Variants in MVK observed in about 807,000 individuals in gnomAD.
The protein encoded by MVK is LH receptor mRNA-binding protein.
In MVK, 34 loss-of-function variants were observed where a neutral mutation model predicts 43.2. The ratio of observed to expected loss-of-function variants is 0.79; its 90% CI spans 0.60 to 1.05. The LOEUF (loss-of-function observed/expected upper bound fraction) is 1.05, where lower values mean the gene tolerates loss of function less well. MVK is among the 50% of genes least tolerant of loss of function. The pLI, the probability that MVK is intolerant of heterozygous loss-of-function variation, is 0.00. For synonymous variants in MVK, 190 were observed against 219.8 expected, an observed-to-expected ratio of 0.86 and a Z score of 1.20; for missense variants, 395 against 504.0, an observed-to-expected ratio of 0.78 and a Z score of 2.07.
At chr12:109,593,197 C>T (rs1931292965) in intron 9 of MVK, among the ~76,000 whole-genome samples, 3 of 152,376 alleles carry the variant, frequency 2.0e-5, no homozygotes, top group Middle Eastern at 3.4e-3. Flanking sequence ...CAGAAGTCTT[C>T]TCTCACATCC....
intron 9 of MVK, among the ~76,000 whole-genome samples, chr12:109,592,700 A>G (rs1460714967): frequency 3.9e-5 from 6 of 152,254 alleles, no homozygotes; most frequent in African/African-American, 1.4e-4. Flanking sequence ...AAGGTTATCC[A>G]GCTAGTGAGT....
At position 109,579,862 on chromosome 12, in the gene MVK, G is replaced by A; in HGVS notation, c.287G>A (p.Gly96Asp). Residue 96 changes from glycine (G) to aspartate (D), a missense_variant, in exon 4 of 11, where the codon GGC becomes GAC. By Grantham distance (94) the Gly-to-Asp change is moderately conservative (BLOSUM62 -1). Transcript: ENST00000228510. ...GTGGAGAAGCTAAAGGAGGTTGCAG[G>A]CTTGCCTGACGACTGTGCTGTCACC... ...EQVEKLKEVA[G>D]LPDDCAVTER... 6.2e-7 allele frequency: 1 copy of A among 1,614,250 alleles called. No individual in the cohort carries two copies. Among genetic ancestry groups the A allele is most frequent in the Non-Finnish European group, 8.5e-7 (1 of 1,180,054 alleles).
Position 109,590,762 on chromosome 12 carries a change from A to G in MVK, c.678-9A>G. ...TTCAGTGTGGACCTGCCTCCTCTTC[A>G]CCCTGCAGGTCGCCAGCTCTCCAGA... On this transcript the variant is annotated splice_polypyrimidine_tract_variant and intron_variant, in intron 7 of 10. Coordinates refer to ENST00000228510, the MANE Select transcript of MVK (RefSeq NM_000431.4). 1 of 1,613,576 alleles carries G rather than the reference A, an allele frequency of 6.2e-7. No homozygotes were observed. The highest frequency in any genetic ancestry group is 8.5e-7 in the Non-Finnish European group (1 of 1,179,834).
rs1447315932 is a variant in MVK, at chr12:109,597,121, G to A, written c.*544G>A. ...GTGTGGCCTTCCCTTCTACCTAGCG[G>A]GATGGGGCTCCCCCAGGGGCTGTCC... On this transcript the variant is annotated 3_prime_UTR_variant, in exon 11 of 11. Transcript: ENST00000228510. 4 of 197,102 alleles carry A rather than the reference G, an allele frequency of 2.0e-5. No homozygotes were observed. Among genetic ancestry groups the A allele is most frequent in the South Asian group, 8.9e-5 (1 of 11,296 alleles). The allele number at this position is 197,102 out of a possible 1,614,324, so 12.2% of individuals were successfully genotyped here.
In MVK at chr12:109,596,836, A is replaced by T; in HGVS notation, c.*259A>T. The stretch of plus-strand genomic sequence containing the variant: ...TCTGAGACTCCAGACCTGAGGCGAG[A>T]AGGGCTGCTTCCCTGAAGCTCCCAC... On this transcript the variant is annotated 3_prime_UTR_variant, in exon 11 of 11. Coordinates refer to ENST00000228510, the MANE Select transcript of MVK (RefSeq NM_000431.4). The T allele has an allele frequency of 3.5e-6, 2 of 568,002 alleles. No homozygotes were observed. The highest frequency in any genetic ancestry group is 6.3e-6 in the Non-Finnish European group (2 of 318,254). The allele number at this position is 568,002 out of a possible 1,614,324, so 35.2% of individuals were successfully genotyped here. A position where few individuals can be genotyped will look rare whatever the true frequency, so the allele number is the denominator to read the frequency against.
intron 10 of MVK, 39 bp from the exon 11 acceptor site, chr12:109,596,387 G>T: frequency 6.2e-7 from 1 of 1,604,728 alleles, no homozygotes; most frequent in East Asian, 2.2e-5. Flanking sequence ...CCCACGGAGC[G>T]GAGAGTTGTC....
At chr12:109,573,382 C>T (rs749127574), upstream of MVK, 3 of 1,612,724 alleles carry the variant, frequency 1.9e-6, no homozygotes, top group Admixed American at 5.0e-5. Flanking sequence ...GGCCGCGGCT[C>T]TGGAAACGGG....
At chr12:109,575,308 A>G (rs955008256) in intron 2 of MVK, among the ~76,000 whole-genome samples, 3 of 152,212 alleles carry the variant, frequency 2.0e-5, no homozygotes, top group Non-Finnish European at 2.9e-5. Flanking sequence ...CCTATTTTAC[A>G]AATGTGCAAA....
intron 1 of MVK, among the ~76,000 whole-genome samples, chr12:109,574,354 A>G (rs745406053): frequency 2.0e-5 from 3 of 152,218 alleles, no homozygotes; most frequent in Non-Finnish European, 4.4e-5. Flanking sequence ...TTTCTGCTCC[A>G]TGATTTCATG....
chr12:109,573,514 A>T, upstream of MVK: 3 of 1,579,532 alleles, frequency 1.9e-6, no homozygotes, highest in Non-Finnish European at 2.6e-6. Flanking sequence ...TGACCCCGCC[A>T]GGTTCCCGTC....
At position 109,595,167 on chromosome 12, in the gene MVK, C is replaced by T; in HGVS notation, c.1025C>T (p.Thr342Ile). 1 of 1,614,032 alleles carries T rather than the reference C, an allele frequency of 6.2e-7. No individual in the cohort carries two copies. Among genetic ancestry groups the T allele is most frequent in the Non-Finnish European group, 8.5e-7 (1 of 1,180,006 alleles). Residue 342 changes from threonine to isoleucine, a missense_variant, in exon 10 of 11, where the codon ACA becomes ATA. Thr to Ile is a moderately conservative substitution (Grantham distance 89). Coordinates refer to ENST00000228510, the MANE Select transcript of MVK (RefSeq NM_000431.4). This position sits in a 1 kb window ranked among gnomAD's most constrained non-coding sequence, Gnocchi z 5.9. ...TGAGGGGCGITLLKPGLEQPE... is the reference protein window; with the variant it reads ...TGAGGGGCGIILLKPGLEQPE... Reference sequence around the variant, plus strand: ...GCAGGCGGTGGTGGCTGTGGCATCACACTCCTCAAGCCAGGTATCCCGGGG... The same window carrying T: ...GCAGGCGGTGGTGGCTGTGGCATCATACTCCTCAAGCCAGGTATCCCGGGG...
chr12:109,573,347 C>A (rs780742465), upstream of MVK: 1 of 1,613,306 alleles, frequency 6.2e-7, no homozygotes, highest in Non-Finnish European at 8.5e-7. Context: ...AGCCACTCAC[C>A]TGTCCCCGTC....
intron 5 of MVK, among the ~76,000 whole-genome samples, chr12:109,581,833 A>G (rs909409033): frequency 6.6e-6 from 1 of 152,080 alleles, no homozygotes. Flanking sequence ...CGCCCATGGT[A>G]TGGTAGAAAG....
At chr12:109,577,576 C>T (rs1354188743) in intron 3 of MVK, among the ~76,000 whole-genome samples, 3 of 152,166 alleles carry the variant, frequency 2.0e-5, no homozygotes, top group African/African-American at 7.2e-5. Context: ...CTTGGGCTCC[C>T]AAAGTGCTGG....
At position 109,586,735 on chromosome 12, in the gene MVK, C is replaced by T. The variant is rs1382691975; in HGVS notation, c.632-19C>T. The T allele has an allele frequency of 1.5e-5, 25 of 1,613,856 alleles. No homozygotes were observed. The highest frequency in any genetic ancestry group is 1.9e-5 in the Non-Finnish European group (22 of 1,179,868). On this transcript the variant is annotated intron_variant, in intron 6 of 10. Transcript: ENST00000228510. ...GTTAGCTTTTCCCACAGCTCTGACCCACTGGTTTTTCTCTTTAGGAGGAGC... is the reference window on the plus strand; with the variant it reads ...GTTAGCTTTTCCCACAGCTCTGACCTACTGGTTTTTCTCTTTAGGAGGAGC...
At chr12:109,576,303 T>A (rs1277296704) in intron 3 of MVK, among the ~76,000 whole-genome samples, 158 bp downstream of exon 3, 9 of 152,188 alleles carry the variant, frequency 5.9e-5, no homozygotes, top group Admixed American at 5.2e-4. Flanking sequence ...TTTATTTTTT[T>A]AAAATTTATA....
chr12:109,596,788 G>C lies in MVK; in HGVS notation c.*211G>C, dbSNP rs111713675. 374 of 711,276 alleles carry C rather than the reference G, an allele frequency of 5.3e-4. 3 individuals are homozygous for C. In the African/African-American group the frequency reaches 5.9e-3, roughly 11 times the overall value. 44.1% of individuals were successfully genotyped at this position (711,276 alleles called of 1,614,324 possible). On this transcript the variant is annotated 3_prime_UTR_variant, in exon 11 of 11. Coordinates refer to ENST00000228510, the MANE Select transcript of MVK (RefSeq NM_000431.4). ...CCCTCTGCATCCTCTGGAGCCAGCC[G>C]AGCAGGAGGCCTAGGAGGGTCCTCT...
At chr12:109,589,398 A>C (rs1039292849) in intron 7 of MVK, 4 of 152,148 alleles carry the variant, frequency 2.6e-5, no homozygotes, top group Admixed American at 1.3e-4. Context: ...GCCAGACTCC[A>C]CGTTAATCCC....
Position 109,581,444 on chromosome 12 carries a change from GC to G in MVK, c.422del (p.Ala141GlyfsTer18). On this transcript the variant is annotated frameshift_variant, in exon 5 of 11. Transcript: ENST00000228510. LOFTEE classifies it high-confidence loss of function. ...IVVWSELPPG[A>X]GLGSSAAYSV... is the part of the protein sequence containing the mutation. ...AGTGTGGTCGGAGCTGCCCCCCGGGGCGGGCTTGGGCTCCAGCGCCGCCTAC... is the reference window on the plus strand; with the variant it reads ...AGTGTGGTCGGAGCTGCCCCCCGGGGGGGCTTGGGCTCCAGCGCCGCCTAC... 6.2e-7 allele frequency: 1 copy of G among 1,614,156 alleles called. No individual in the cohort carries two copies. Among genetic ancestry groups the G allele is most frequent in the East Asian group, 2.2e-5 (1 of 44,872 alleles).
Sources: gnomAD v4.1 joint callset for allele counts (sites outside exome capture counted in the v4.1 genomes callset) on GRCh38, gnomAD v4.1.1 for gene constraint, Gnocchi (gnomAD v3.1) non-coding constraint, MANE v1.5 for transcripts, NCBI Gene and HGNC (gene_info 2026-07-23, HGNC 2026-07-21) for gene names.